LNX1: variants seen among roughly 807,000 people sequenced by gnomAD.
The protein encoded by LNX1 is ligand of numb-protein X 1.
LNX1 carries 54 observed loss-of-function variants against 68.4 expected under a neutral mutation model. The observed-to-expected ratio is 0.79, with a 90% CI of 0.63 to 0.99. The LOEUF (loss-of-function observed/expected upper bound fraction) is 0.99. Among genes scored for constraint, LNX1 ranks in the 50% least tolerant of loss-of-function variants. The pLI is 0.00. For missense variants in LNX1, 906 were observed against 926.4 expected (o/e 0.98, Z 0.29); for synonymous variants, 336 against 350.0 (o/e 0.96, Z 0.45).
chr4:53,493,537 C>T (rs779913117), intron 6 of LNX1, among the ~76,000 whole-genome samples: 4 of 152,300 alleles, frequency 2.6e-5, no homozygotes, highest in South Asian at 2.1e-4. Flanking sequence ...TCCTCTTCCA[C>T]GAAGAGGGAT....
At chr4:53,463,447 A>G (rs534567059) in intron 9 of LNX1, among the ~76,000 whole-genome samples, 1 of 152,050 alleles carries the variant, frequency 6.6e-6, no homozygotes, top group Non-Finnish European at 1.5e-5. Context: ...AATCTGTTTC[A>G]AAGTCATACC....
At chr4:53,608,204 T>C (rs1733309247) in intron 2 of LNX1, among the ~76,000 whole-genome samples, 1 of 152,170 alleles carries the variant, frequency 6.6e-6, no homozygotes, top group Non-Finnish European at 1.5e-5. Context: ...GAGAAAATAT[T>C]TGTAAACTGT....
At chr4:53,483,399 G>GCCA (rs1724075169) in intron 6 of LNX1, among the ~76,000 whole-genome samples, 3 of 152,310 alleles carry the variant, frequency 2.0e-5, no homozygotes, top group Admixed American at 2.0e-4. Context: ...TTGTCTTTCT[G>GCCA]CCACAGATTA....
intron 1 of LNX1, among the ~76,000 whole-genome samples, chr4:53,646,973 G>A (rs1734910469): frequency 6.6e-6 from 1 of 152,226 alleles, no homozygotes; most frequent in Non-Finnish European, 1.5e-5. Flanking sequence ...TAAAAGGCAG[G>A]AAGTGTCCCG....
intron 2 of LNX1, among the ~76,000 whole-genome samples, chr4:53,573,065 G>C (rs1731262799): frequency 6.6e-6 from 1 of 152,174 alleles, no homozygotes; most frequent in Admixed American, 6.5e-5. Flanking sequence ...ATAAGCCTCA[G>C]AGAAATCTGC....
intron 4 of LNX1, among the ~76,000 whole-genome samples, chr4:53,501,034 T>C (rs1725437658): frequency 6.6e-6 from 1 of 152,172 alleles, no homozygotes; most frequent in Admixed American, 6.5e-5. Flanking sequence ...TTCACACTTG[T>C]AAATGATGTT....
intron 2 of LNX1, among the ~76,000 whole-genome samples, chr4:53,596,505 A>G (rs1284682913): frequency 6.6e-6 from 1 of 152,154 alleles, no homozygotes; most frequent in Non-Finnish European, 1.5e-5. Context: ...TGGTCACGAG[A>G]CCTATATCTT....
At chr4:53,480,607 A>G (rs1408309966) in intron 7 of LNX1, among the ~76,000 whole-genome samples, 3 of 152,202 alleles carry the variant, frequency 2.0e-5, no homozygotes, top group Admixed American at 6.5e-5. Context: ...TTAGCAGGAT[A>G]TATCTGGTCT....
chr4:53,592,244 G>C (rs1732543653), upstream of LNX1, among the ~76,000 whole-genome samples: 1 of 152,148 alleles, frequency 6.6e-6, no homozygotes, highest in Admixed American at 6.5e-5. Flanking sequence ...TGGAATGGTA[G>C]TACTGTCATT....
chr4:53,573,417 T>A (rs1216274280), intron 2 of LNX1, among the ~76,000 whole-genome samples: 3 of 152,182 alleles, frequency 2.0e-5, no homozygotes, highest in Admixed American at 6.5e-5. Context: ...ATTAGAATTT[T>A]AAAAAATCCC....
chr4:53,460,335 A>AGGT lies in LNX1; in HGVS notation c.*569_*571dup. On this transcript the variant is annotated 3_prime_UTR_variant, in exon 11 of 11. Transcript: ENST00000263925. ...GAGCATTTTTAGGGATAAGCCTAGG[A>AGGT]GGTATTCATCGGTGATGGTAACAAA... The AGGT allele has an allele frequency of 5.3e-6, 1 of 190,124 alleles. No homozygotes were observed. The highest frequency in any genetic ancestry group is 1.1e-5 in the Non-Finnish European group (1 of 90,874). 11.8% of individuals were successfully genotyped at this position (190,124 alleles called of 1,614,324 possible).
chr4:53,623,546 C>T (rs557550950), intron 1 of LNX1, among the ~76,000 whole-genome samples: 1 of 152,054 alleles, frequency 6.6e-6, no homozygotes, highest in South Asian at 2.1e-4. Context: ...AAGAACAATT[C>T]TGATGCAAAC....
At position 53,533,634 on chromosome 4, in the gene LNX1, G is replaced by A. The variant is rs931644389; in HGVS notation, c.381-25407C>T. On this transcript the variant is annotated intron_variant, in intron 2 of 10. Transcript: ENST00000263925. ...AGACTGGTCTCAAACTCCTGTCCTC[G>A]AGTGATCCGCCCGCCTCGGCCTCCC... Among the ~76,000 whole-genome samples, 34 of 152,076 alleles carry A rather than the reference G, an allele frequency of 2.2e-4. 1 individual carries two copies. Among genetic ancestry groups the A allele is most frequent in the Admixed American group, 2.0e-4 (3 of 15,258 alleles).
At chr4:53,560,983 G>GCC (rs1730246002) in intron 2 of LNX1, among the ~76,000 whole-genome samples, 1 of 152,022 alleles carries the variant, frequency 6.6e-6, no homozygotes, top group Non-Finnish European at 1.5e-5. Context: ...CCTATTCTTT[G>GCC]CCTGGCTGTC....
rs571993565 is a variant in LNX1 at position 53,551,416 on chromosome 4, T to C, written c.380+22207A>G. Among the ~76,000 whole-genome samples the C allele has an allele frequency of 1.7e-3, 256 of 152,238 alleles. 2 individuals are homozygous for C. Among genetic ancestry groups the C allele is most frequent in the Non-Finnish European group, 2.1e-3 (140 of 68,002 alleles). ...AAACACCTGAAACTGGTGATCAGCTTCCTAGTAAGATCTCAGGAGTTGGGT... is the reference window on the plus strand; with the variant it reads ...AAACACCTGAAACTGGTGATCAGCTCCCTAGTAAGATCTCAGGAGTTGGGT... On this transcript the variant is annotated intron_variant, in intron 2 of 10. Transcript: ENST00000263925.
intron 2 of LNX1, among the ~76,000 whole-genome samples, chr4:53,564,358 C>T (rs1730496078): frequency 6.7e-6 from 1 of 150,068 alleles, no homozygotes; most frequent in Non-Finnish European, 1.5e-5. Flanking sequence ...TCCCTTCTGG[C>T]TTCACCCTCA....
intron 2 of LNX1, among the ~76,000 whole-genome samples, chr4:53,534,568 G>A (rs1290525372): frequency 6.6e-6 from 1 of 152,200 alleles, no homozygotes; most frequent in Non-Finnish European, 1.5e-5. Flanking sequence ...CTTAAACCCA[G>A]GAGTTTGGGG....
At chr4:53,485,769 A>G (rs1430975076) in intron 6 of LNX1, among the ~76,000 whole-genome samples, 1 of 152,186 alleles carries the variant, frequency 6.6e-6, no homozygotes, top group Non-Finnish European at 1.5e-5. Context: ...CTTTCTTTCC[A>G]CTAGTATCAA....
At chr4:53,508,318 T>A in intron 2 of LNX1, 91 bp from the exon 3 acceptor site, 1 of 1,484,112 alleles carries the variant, frequency 6.7e-7, no homozygotes, top group Non-Finnish European at 9.1e-7. Flanking sequence ...GAAGAATGTA[T>A]AATAGGCTTG....
Sources: gnomAD v4.1 joint callset for allele counts (sites outside exome capture counted in the v4.1 genomes callset) on GRCh38, gnomAD v4.1.1 for gene constraint, MANE v1.5 for transcripts, NCBI Gene and HGNC (gene_info 2026-07-23, HGNC 2026-07-21) for gene names.